FBXL17: variants seen among roughly 807,000 people sequenced by gnomAD.
FBXL17 encodes F-box/LRR-repeat protein 17.
FBXL17 carries 22 observed loss-of-function variants against 66.2 expected under a neutral mutation model. The observed-to-expected ratio is 0.33, with a 90% CI of 0.24 to 0.47. FBXL17 has a LOEUF of 0.47. Ranked by LOEUF, FBXL17 falls within the 20% of genes least tolerant of loss-of-function variation. FBXL17 has a pLI of 1.00. For missense variants in FBXL17, 878 were observed against 948.2 expected (o/e 0.93, Z 0.97); for synonymous variants, 474 against 400.5 (o/e 1.18, Z -2.19).
chr5:107,893,917 T>C (rs1383701792), intron 7 of FBXL17, among the ~76,000 whole-genome samples: 2 of 152,204 alleles, frequency 1.3e-5, no homozygotes, highest in African/African-American at 4.8e-5. Flanking sequence ...ACCATTTGTA[T>C]GTACTGGCTG....
intron 6 of FBXL17, among the ~76,000 whole-genome samples, chr5:108,058,255 T>C (rs554069095): frequency 6.6e-6 from 1 of 152,326 alleles, no homozygotes; most frequent in South Asian, 2.1e-4. Flanking sequence ...GTCTGATTTA[T>C]TATATCTAAG....
intron 7 of FBXL17, among the ~76,000 whole-genome samples, chr5:107,965,451 G>T (rs771330678): frequency 1.3e-5 from 2 of 152,008 alleles, no homozygotes; most frequent in African/African-American, 2.4e-5. Flanking sequence ...TCATTGTTTC[G>T]ATTTATAAAA....
intron 4 of FBXL17, among the ~76,000 whole-genome samples, chr5:108,271,078 A>C (rs1162603657): frequency 7.7e-6 from 1 of 129,674 alleles, no homozygotes; most frequent in African/African-American, 2.7e-5. Flanking sequence ...TTAGTAAATA[A>C]AGACAATGCA....
intron 6 of FBXL17, among the ~76,000 whole-genome samples, chr5:108,165,012 G>T (rs914340832): frequency 2.6e-5 from 4 of 152,158 alleles, no homozygotes; most frequent in African/African-American, 9.7e-5. Flanking sequence ...AAGAGACACA[G>T]ACATCGAAAT....
At chr5:108,012,580 T>A (rs1328659011) in intron 7 of FBXL17, among the ~76,000 whole-genome samples, 1 of 152,170 alleles carries the variant, frequency 6.6e-6, no homozygotes, top group Non-Finnish European at 1.5e-5. Context: ...TTGCTAATAA[T>A]AAATACAACA....
rs546350146 is a variant in FBXL17 at position 107,994,769 on chromosome 5, C to T, written c.1822+26156G>A. On this transcript the variant is annotated intron_variant, in intron 7 of 8. Transcript: ENST00000542267. The stretch of plus-strand genomic sequence containing the variant: ...AGGAAAATCCCTTCAACCCGGGAGG[C>T]GGAGGTTGCAGTGAGCCGAGATTGC... 4.6e-5 allele frequency among the ~76,000 whole-genome samples: 7 copies of T among 152,100 alleles called. No individual in the cohort carries two copies. The South Asian group carries it at 1.5e-3, about 32-fold the overall frequency.
At chr5:108,077,255 C>G (rs1259029522) in intron 6 of FBXL17, among the ~76,000 whole-genome samples, 1 of 152,160 alleles carries the variant, frequency 6.6e-6, no homozygotes, top group Non-Finnish European at 1.5e-5. Context: ...AATCAATATT[C>G]TTGATGCAAA....
At chr5:108,322,403 A>G (rs1759660235) in intron 4 of FBXL17, among the ~76,000 whole-genome samples, 1 of 151,952 alleles carries the variant, frequency 6.6e-6, no homozygotes, top group African/African-American at 2.4e-5. Context: ...AGACCTGTTA[A>G]GTGCGGGGGA....
chr5:108,309,029 T>G (rs769277932), intron 4 of FBXL17, among the ~76,000 whole-genome samples: 4 of 151,986 alleles, frequency 2.6e-5, no homozygotes, highest in Non-Finnish European at 5.9e-5. Flanking sequence ...AACAAATACC[T>G]GGCAAGGCAA....
At position 108,077,010 on chromosome 5, in the gene FBXL17, T is replaced by C. The variant is rs1217385975; in HGVS notation, c.1746-56009A>G. 3.9e-5 allele frequency among the ~76,000 whole-genome samples: 6 copies of C among 152,300 alleles called. No individual in the cohort carries two copies. The East Asian group carries it at 1.2e-3, about 29-fold the overall frequency. On this transcript the variant is annotated intron_variant, in intron 6 of 8. Transcript: ENST00000542267. ...TGGTTCTTTTACAAGGTTCCAGACC[T>C]AAGGTAAGTACAGAATATCACTTTC... is the stretch of plus-strand genomic sequence containing the variant.
intron 6 of FBXL17, among the ~76,000 whole-genome samples, chr5:108,047,120 AG>A (rs1747282063): frequency 6.6e-6 from 1 of 152,222 alleles, no homozygotes; most frequent in African/African-American, 2.4e-5. Flanking sequence ...CAAGGTATCA[AG>A]GTTCTTTCAA....
chr5:108,381,565 G>T lies in FBXL17; in HGVS notation c.127C>A (p.Pro43Thr). The T allele has an allele frequency of 1.4e-6, 2 of 1,439,506 alleles. No individual in the cohort carries two copies. The highest frequency in any genetic ancestry group is 1.8e-6 in the Non-Finnish European group (2 of 1,104,658). 89.2% of individuals were successfully genotyped at this position (1,439,506 alleles called of 1,614,324 possible). Residue 43 changes from proline to threonine, a missense_variant, in exon 1 of 9, where the codon CCT (proline) becomes ACT (threonine). Around this residue, in one of 4 missense-constraint regions of FBXL17, gnomAD observed 605 missense variants for 509.5 expected, o/e 1.19. Coordinates refer to ENST00000542267, the MANE Select transcript of FBXL17 (RefSeq NM_001163315.3). ...LPRRTPAKVP[P>T]QPAAPRSRDC... Reference sequence around the variant, plus strand: ...CGGCTCCGGGGCGCCGCCGGCTGAGGGGGCACCTTGGCTGGGGTCCGGCGG... The same window carrying T: ...CGGCTCCGGGGCGCCGCCGGCTGAGTGGGCACCTTGGCTGGGGTCCGGCGG...
chr5:108,207,099 T>G (rs1296426977), intron 5 of FBXL17, among the ~76,000 whole-genome samples: 2 of 152,108 alleles, frequency 1.3e-5, no homozygotes, highest in Non-Finnish European at 2.9e-5. Flanking sequence ...AATAGAACAA[T>G]TATAACAATA....
At chr5:108,146,458 A>G (rs1751565781) in intron 6 of FBXL17, among the ~76,000 whole-genome samples, 1 of 152,150 alleles carries the variant, frequency 6.6e-6, no homozygotes, top group South Asian at 2.1e-4. Context: ...CAGTTCTTGG[A>G]ATGCCATATC....
rs370399049 is a variant in FBXL17 at position 108,193,525 on chromosome 5, A to G, written c.1615-7278T>C. ...ATCCTTGAGAAGGTCTGTTATCTAC[A>G]CTTAGAGAAGGACTTGGTTGGACAA... is the stretch of plus-strand genomic sequence containing the variant. On this transcript the variant is annotated intron_variant, in intron 5 of 8. Coordinates refer to ENST00000542267, the MANE Select transcript of FBXL17 (RefSeq NM_001163315.3). 5.2e-4 allele frequency among the ~76,000 whole-genome samples: 79 copies of G among 152,316 alleles called. 2 individuals are homozygous for G. The South Asian group carries it at 0.016, about 32-fold the overall frequency.
In FBXL17 at chr5:108,350,556, A is replaced by G. The variant is rs535097816; in HGVS notation, c.1375-2026T>C. Among the ~76,000 whole-genome samples, 187 of 152,324 alleles carry G rather than the reference A, an allele frequency of 1.2e-3. 2 individuals carry two copies. The highest frequency in any genetic ancestry group is 1.9e-3 in the Admixed American group (29 of 15,290). ...AGACACATGGCAATGCAAATCATCAAAAAGTTTCAGAAACAGGAGTTTAAA... is the reference window on the plus strand; with the variant it reads ...AGACACATGGCAATGCAAATCATCAGAAAGTTTCAGAAACAGGAGTTTAAA... On this transcript the variant is annotated intron_variant, in intron 3 of 8. Transcript: ENST00000542267.
At chr5:108,233,643 G>A (rs1164055223) in intron 4 of FBXL17, among the ~76,000 whole-genome samples, 1 of 152,128 alleles carries the variant, frequency 6.6e-6, no homozygotes, top group African/African-American at 2.4e-5. Context: ...TCCTTAAGTT[G>A]GCATTCTCAA....
At chr5:108,053,289 T>A (rs1453486328) in intron 6 of FBXL17, among the ~76,000 whole-genome samples, 1 of 152,000 alleles carries the variant, frequency 6.6e-6, no homozygotes, top group Non-Finnish European at 1.5e-5. Context: ...ATTTTTGCAA[T>A]CTACCCAACT....
intron 6 of FBXL17, among the ~76,000 whole-genome samples, chr5:108,127,634 T>A (rs1750773944): frequency 6.6e-6 from 1 of 152,132 alleles, no homozygotes; most frequent in Admixed American, 6.5e-5. Flanking sequence ...AAGCATGGTA[T>A]TGTTTCCAAT....
Sources: allele counts gnomAD v4.1 joint callset (sites outside exome capture counted in the v4.1 genomes callset), GRCh38; gene constraint gnomAD v4.1.1; regional missense constraint gnomAD v4.1.1; transcripts MANE v1.5; gene names NCBI Gene and HGNC (gene_info 2026-07-23, HGNC 2026-07-21).